Variants in DSCAM observed in about 807,000 individuals in gnomAD.
The protein encoded by DSCAM is cell adhesion molecule DSCAM.
Under a neutral mutation model 217.7 loss-of-function variants are expected in DSCAM, and 47 were observed. The ratio of observed to expected loss-of-function variants is 0.22; its 90% CI spans 0.17 to 0.28. The LOEUF is 0.28. Among genes scored for constraint, DSCAM ranks in the 10% least tolerant of loss-of-function variants. The pLI is 1.00. For synonymous variants in DSCAM, 1,056 were observed against 1,015.3 expected, an observed-to-expected ratio of 1.04 and a Z score of -0.76; for missense variants, 2,080 against 2,618.3, an observed-to-expected ratio of 0.79 and a Z score of 4.49.
chr21:40,335,922 G>T (rs1313163899), intron 8 of DSCAM, among the ~76,000 whole-genome samples: 1 of 152,130 alleles, frequency 6.6e-6, no homozygotes, highest in Non-Finnish European at 1.5e-5. Context: ...TCCCAGCAGG[G>T]ACACTAACAG....
At chr21:40,346,456 C>G (rs1249042322) in intron 6 of DSCAM, among the ~76,000 whole-genome samples, 1 of 152,160 alleles carries the variant, frequency 6.6e-6, no homozygotes, top group Non-Finnish European at 1.5e-5. Context: ...AGTGTGTTTT[C>G]TTTGTACTCC....
intron 28 of DSCAM, among the ~76,000 whole-genome samples, chr21:40,060,640 C>T (rs544369400): frequency 1.4e-4 from 22 of 152,300 alleles, no homozygotes; most frequent in African/African-American, 5.3e-4. Context: ...GTGCCTACCT[C>T]CAGGCACCAT....
chr21:40,422,040 T>C (rs1601630418), intron 3 of DSCAM, among the ~76,000 whole-genome samples: 1 of 152,236 alleles, frequency 6.6e-6, no homozygotes. Context: ...TATCTTTCTA[T>C]AAACTTAGAC....
At chr21:40,311,960 T>TTTTTTTTTTAAAA in intron 9 of DSCAM, 121 bp downstream of exon 9, 1 of 321,030 alleles carries the variant, frequency 3.1e-6, no homozygotes, top group Admixed American at 5.7e-5. Flanking sequence ...TTTTTTTTTT[T>TTTTTTTTTTAAAA]AGTGAGATAA....
intron 3 of DSCAM, among the ~76,000 whole-genome samples, chr21:40,400,920 A>T (rs2075227977): frequency 6.6e-6 from 1 of 152,248 alleles, no homozygotes; most frequent in South Asian, 2.1e-4. Context: ...CTAAAAAATC[A>T]TATTTGTTAA....
intron 19 of DSCAM, 149 bp from the exon 20 acceptor site, chr21:40,124,477 G>A (rs2090073065): frequency 2.1e-6 from 2 of 960,152 alleles, no homozygotes; most frequent in South Asian, 3.2e-5. Context: ...AAATGCATAT[G>A]TTGAAGTCCT....
intron 19 of DSCAM, among the ~76,000 whole-genome samples, chr21:40,131,845 G>A (rs768066329): frequency 2.0e-5 from 3 of 152,144 alleles, no homozygotes; most frequent in Non-Finnish European, 4.4e-5. Flanking sequence ...TACACTATCA[G>A]CACTGGAGAC....
Position 40,708,567 on chromosome 21 carries a change from A to G in DSCAM, c.248T>C (p.Ile83Thr), listed in dbSNP as rs368279697. The G allele has an allele frequency of 6.2e-7, 1 of 1,604,554 alleles. No homozygotes were observed. The highest frequency in any genetic ancestry group is 1.3e-5 in the African/African-American group (1 of 74,876). ...RHVHPNGTLQ[I>T]FPFPPSSFST... ...GAAGCTTGAAGGAGGGAAGGGGAAA[A>G]TTTGGAGAGTGCCGTTGGGGTGGAC... Residue 83 changes from isoleucine (I) to threonine (T), a missense_variant, in exon 2 of 33, where the codon ATT becomes ACT. Physicochemically the swap from Ile to Thr is moderately conservative, Grantham distance 89. Transcript: ENST00000400454.
chr21:40,382,235 G>A (rs1170348437), intron 3 of DSCAM, among the ~76,000 whole-genome samples: 1 of 152,054 alleles, frequency 6.6e-6, no homozygotes, highest in African/African-American at 2.4e-5. Flanking sequence ...ATTCCTGGTA[G>A]GGGGACTCTT....
At chr21:40,669,667 C>G (rs1320938458) in intron 3 of DSCAM, among the ~76,000 whole-genome samples, 2 of 151,310 alleles carry the variant, frequency 1.3e-5, no homozygotes, top group African/African-American at 4.9e-5. Flanking sequence ...CAACCTCCAT[C>G]TCCCGGGCTC....
chr21:40,832,651 A>T (rs1402828997), intron 1 of DSCAM, among the ~76,000 whole-genome samples: 1 of 152,194 alleles, frequency 6.6e-6, no homozygotes, highest in Non-Finnish European at 1.5e-5. Flanking sequence ...ATTCTGATTT[A>T]AAAAACTGCA....
At chr21:40,383,931 T>C (rs2075053642) in intron 3 of DSCAM, 1 of 152,224 alleles carries the variant, frequency 6.6e-6, no homozygotes, top group African/African-American at 2.4e-5. Context: ...AGTACTGTGT[T>C]CACGATGCTT....
chr21:40,466,013 A>T (rs903388466), intron 3 of DSCAM, among the ~76,000 whole-genome samples: 2 of 152,200 alleles, frequency 1.3e-5, no homozygotes, highest in African/African-American at 4.8e-5. Flanking sequence ...TCTCAAAAAG[A>T]CTGTGAAACA....
At chr21:40,337,861 C>G (rs1191210421) in intron 8 of DSCAM, among the ~76,000 whole-genome samples, 1 of 152,182 alleles carries the variant, frequency 6.6e-6, no homozygotes, top group South Asian at 2.1e-4. Context: ...GTTAACAACA[C>G]ATGCCCTCTG....
intron 6 of DSCAM, among the ~76,000 whole-genome samples, chr21:40,345,216 T>C (rs936287776): frequency 6.6e-6 from 1 of 152,228 alleles, no homozygotes; most frequent in African/African-American, 2.4e-5. Context: ...TTGCCAGTTC[T>C]AACATCTGGG....
intron 3 of DSCAM, among the ~76,000 whole-genome samples, chr21:40,621,800 TG>T (rs2089521167): frequency 6.6e-6 from 1 of 150,914 alleles, no homozygotes; most frequent in Admixed American, 6.6e-5. Flanking sequence ...TAAGAATTGC[TG>T]TTTTTGAGAG....
At chr21:40,065,587 G>C (rs548811206) in intron 27 of DSCAM, among the ~76,000 whole-genome samples, 1 of 152,242 alleles carries the variant, frequency 6.6e-6, no homozygotes, top group Admixed American at 6.5e-5. Context: ...CAGAGCTGGG[G>C]CCACTGCCAC....
intron 3 of DSCAM, among the ~76,000 whole-genome samples, chr21:40,377,678 A>G (rs2074976784): frequency 1.3e-5 from 2 of 151,876 alleles, no homozygotes. Flanking sequence ...ATGAGAACTG[A>G]AGTTTAGTAA....
intron 3 of DSCAM, among the ~76,000 whole-genome samples, chr21:40,648,820 G>A (rs1218759505): frequency 2.6e-5 from 4 of 152,162 alleles, no homozygotes; most frequent in Admixed American, 2.6e-4. Context: ...ACTGATAGCT[G>A]TTCCATCACT....
Sources: gnomAD v4.1 joint callset for allele counts (sites outside exome capture counted in the v4.1 genomes callset) on GRCh38, gnomAD v4.1.1 for gene constraint, MANE v1.5 for transcripts, NCBI Gene and HGNC (gene_info 2026-07-23, HGNC 2026-07-21) for gene names.